The following RNF149 variants were observed in gnomAD, a reference collection of about 807,000 sequenced individuals.
RNF149 encodes the protein ring finger protein 149, also known as E3 ubiquitin-protein ligase RNF149.
A neutral mutation model predicts 39.0 loss-of-function variants in RNF149; 21 were observed. That is an observed-to-expected ratio of 0.54 (90% CI 0.38 to 0.77). RNF149 has a LOEUF of 0.77. Ranked by LOEUF, RNF149 falls within the 30% of genes least tolerant of loss-of-function variation. RNF149 has a pLI of 0.00. For synonymous variants in RNF149, 209 were observed against 213.6 expected (o/e 0.98, Z 0.19); for missense variants, 493 against 534.9 (o/e 0.92, Z 0.77).
chr2:101,295,136 C>A lies in RNF149; in HGVS notation c.506G>T (p.Arg169Ile), dbSNP rs867903768. The A allele has an allele frequency of 6.2e-7, 1 of 1,613,808 alleles. No individual in the cohort carries two copies. The highest frequency in any genetic ancestry group is 1.3e-5 in the African/African-American group (1 of 75,040). The change falls in exon 2 of 7, where the codon AGA becomes ATA. Residue 169 changes from arginine to isoleucine, a missense_variant. By Grantham distance (97) the Arg-to-Ile change is moderately conservative. Transcript: ENST00000295317. ...TTTTTGCACCAGCTCCAAAATTTCT[C>A]TTCCTTTTGGATAGCTAATCATAAT... Reference protein sequence around the residue: ...VVIMISYPKGREILELVQKGI... With the variant: ...VVIMISYPKGIEILELVQKGI...
chr2:101,294,904 G>C, intron 2 of RNF149, 27 bp downstream of exon 2: 2 of 1,573,660 alleles, frequency 1.3e-6, no homozygotes, highest in Non-Finnish European at 1.7e-6. Context: ...CTTTTAAAAA[G>C]CAAAATTCAG....
chr2:101,284,317 T>C (rs927282965), intron 5 of RNF149, among the ~76,000 whole-genome samples: 2 of 152,178 alleles, frequency 1.3e-5, no homozygotes, highest in African/African-American at 2.4e-5. Context: ...CAATGGCTCA[T>C]GCCTGTAATC....
chr2:101,292,488 C>T (rs560992586), intron 3 of RNF149, among the ~76,000 whole-genome samples: 2 of 152,134 alleles, frequency 1.3e-5, no homozygotes, highest in South Asian at 2.1e-4. Flanking sequence ...AATTTCCGGC[C>T]GGGCGTGGTG....
intron 1 of RNF149, among the ~76,000 whole-genome samples, chr2:101,305,790 T>G (rs538693403): frequency 6.6e-6 from 1 of 152,158 alleles, no homozygotes; most frequent in Non-Finnish European, 1.5e-5. Context: ...GATTACTGTG[T>G]CGTCTCTGGC....
At chr2:101,295,215 A>AC in intron 1 of RNF149, 34 bp from the exon 2 acceptor site, 1 of 1,572,884 alleles carries the variant, frequency 6.4e-7, no homozygotes, top group Non-Finnish European at 8.7e-7. Context: ...AATGTGAAGA[A>AC]CACAAAATAA....
At chr2:101,308,059 C>A in intron 1 of RNF149, 70 bp downstream of exon 1, 1 of 1,556,538 alleles carries the variant, frequency 6.4e-7, no homozygotes, top group Non-Finnish European at 8.7e-7. Context: ...CGGTTCAGGG[C>A]CAACCCTGAA....
downstream of RNF149, among the ~76,000 whole-genome samples, chr2:101,271,932 G>A (rs1487358057): frequency 1.3e-5 from 2 of 152,148 alleles, no homozygotes; most frequent in African/African-American, 4.8e-5. Flanking sequence ...ATTTTGAGTA[G>A]CACACTAAAT....
intron 4 of RNF149, among the ~76,000 whole-genome samples, chr2:101,288,119 T>C (rs1223336406): frequency 6.6e-6 from 1 of 151,678 alleles, no homozygotes; most frequent in African/African-American, 2.4e-5. Flanking sequence ...TGCCTCAGCC[T>C]CCTGAGTAGC....
At position 101,281,844 on chromosome 2, in the gene RNF149, T is replaced by G. The variant is rs778336717; in HGVS notation, c.1159+15A>C. ...TGGCCACATTCTATTGTTTTATAAT[T>G]TGCACACCGCTCACCTAGCAATGCC... On this transcript the variant is annotated intron_variant, in intron 6 of 6. Coordinates refer to ENST00000295317, the MANE Select transcript of RNF149 (RefSeq NM_173647.4). 7 of 1,613,026 alleles carry G rather than the reference T, an allele frequency of 4.3e-6. No individual in the cohort carries two copies. The highest frequency in any genetic ancestry group is 4.2e-6 in the Non-Finnish European group (5 of 1,179,902).
chr2:101,273,482 T>A, downstream of RNF149: 1 of 390,148 alleles, frequency 2.6e-6, no homozygotes, highest in South Asian at 2.1e-5. Flanking sequence ...GTTTCTTTTT[T>A]TTTTTTTTTT....
chr2:101,306,117 G>T lies in RNF149; in HGVS notation c.460+2012C>A, dbSNP rs147890628. ...GATAAATTACATGTCAATAACATAA[G>T]CAGGCAAGGTTGCTGACCCATGGTT... On this transcript the variant is annotated intron_variant, in intron 1 of 6. Coordinates refer to ENST00000295317, the MANE Select transcript of RNF149 (RefSeq NM_173647.4). Among the ~76,000 whole-genome samples, 25 of 152,328 alleles carry T rather than the reference G, an allele frequency of 1.6e-4. No homozygotes were observed. In the East Asian group the frequency reaches 4.8e-3, roughly 29 times the overall value.
At chr2:101,304,155 G>A (rs1263353188) in intron 1 of RNF149, among the ~76,000 whole-genome samples, 1 of 152,154 alleles carries the variant, frequency 6.6e-6, no homozygotes, top group Non-Finnish European at 1.5e-5. Context: ...CCAGCACTGT[G>A]GGAGGCCAAG....
At chr2:101,277,516 G>C (rs1312070007) in intron 6 of RNF149, among the ~76,000 whole-genome samples, 3 of 152,084 alleles carry the variant, frequency 2.0e-5, no homozygotes, top group Admixed American at 2.0e-4. Flanking sequence ...AGCCTCCTGG[G>C]TAGCTGGGAT....
downstream of RNF149, among the ~76,000 whole-genome samples, chr2:101,273,962 TAAGG>T (rs1033539554): frequency 2.0e-5 from 3 of 152,212 alleles, no homozygotes; most frequent in Non-Finnish European, 2.9e-5. Context: ...GCTTTTAAAT[TAAGG>T]AACACTATGT....
At chr2:101,303,287 T>A (rs1258673925) in intron 1 of RNF149, among the ~76,000 whole-genome samples, 1 of 151,624 alleles carries the variant, frequency 6.6e-6, no homozygotes, top group African/African-American at 2.4e-5. Context: ...GCTCATTTTT[T>A]TTTTTTTTTT....
chr2:101,283,781 A>T (rs1213362578), intron 5 of RNF149, among the ~76,000 whole-genome samples: 1 of 152,064 alleles, frequency 6.6e-6, no homozygotes, highest in African/African-American at 2.4e-5. Flanking sequence ...TAATATATGA[A>T]ATATATATAT....
downstream of RNF149, among the ~76,000 whole-genome samples, chr2:101,273,509 C>T (rs1285734606): frequency 1.4e-5 from 2 of 143,262 alleles, no homozygotes; most frequent in Admixed American, 7.1e-5. Context: ...GGGTCTCACT[C>T]TTGCCCAGGC....
chr2:101,283,496 T>C (rs1682669914), intron 5 of RNF149, among the ~76,000 whole-genome samples: 1 of 152,122 alleles, frequency 6.6e-6, no homozygotes, highest in African/African-American at 2.4e-5. Context: ...ACTACAGTTA[T>C]GGGGAAATAG....
downstream of RNF149, among the ~76,000 whole-genome samples, chr2:101,275,471 T>G (rs1298125603): frequency 1.0e-5 from 1 of 98,500 alleles, no homozygotes; most frequent in Non-Finnish European, 1.9e-5. Context: ...AGACGGAGTC[T>G]CGCTCTGTCG....
Sources: gnomAD v4.1 joint callset for allele counts (sites outside exome capture counted in the v4.1 genomes callset) on GRCh38, gnomAD v4.1.1 for gene constraint, MANE v1.5 for transcripts, NCBI Gene and HGNC (gene_info 2026-07-23, HGNC 2026-07-21) for gene names.